The following ARFIP1 variants were observed in gnomAD, a reference collection of about 807,000 sequenced individuals.
The protein encoded by ARFIP1 is arfaptin-1.
In ARFIP1, 24 loss-of-function variants were observed where a neutral mutation model predicts 42.5. That is an observed-to-expected ratio of 0.57 (90% CI 0.41 to 0.80). The LOEUF (loss-of-function observed/expected upper bound fraction) is 0.80. ARFIP1 is among the 30% of genes least tolerant of loss of function. The pLI, the probability that ARFIP1 is intolerant of heterozygous loss-of-function variation, is 0.00. For missense variants in ARFIP1, 354 were observed against 434.0 expected (o/e 0.82, Z 1.64); for synonymous variants, 141 against 153.7 (o/e 0.92, Z 0.61).
chr4:152,823,307 A>G (rs1376734360), intron 1 of ARFIP1, among the ~76,000 whole-genome samples: 1 of 140,544 alleles, frequency 7.1e-6, no homozygotes, highest in Non-Finnish European at 1.6e-5. Context: ...GGGAATAGAT[A>G]CATTCCTGGA....
intron 1 of ARFIP1, among the ~76,000 whole-genome samples, chr4:152,805,551 C>T (rs1050725638): frequency 6.6e-6 from 1 of 152,188 alleles, no homozygotes; most frequent in African/African-American, 2.4e-5. Context: ...TTTTTGCCCC[C>T]TAGTGAGTTC....
In ARFIP1 at chr4:152,832,152, C is replaced by A. The variant is rs539028906; in HGVS notation, c.93+2426C>A. Among the ~76,000 whole-genome samples, 3 of 152,180 alleles carry A rather than the reference C, an allele frequency of 2.0e-5. No homozygotes were observed. In the South Asian group the frequency reaches 6.2e-4, roughly 32 times the overall value. On this transcript the variant is annotated intron_variant, in intron 2 of 8. Transcript: ENST00000353617. ...AGTACATACCCAAGAGTGAAATTGC[C>A]AGGTCACGAGTATATGAATGTTTGG...
At chr4:152,780,266 A>G (rs574672667) in intron 1 of ARFIP1, 40 bp downstream of exon 1, 1 of 152,486 alleles carries the variant, frequency 6.6e-6, no homozygotes, top group South Asian at 2.1e-4. Context: ...AGGCGGGGGA[A>G]AGATGGTTTG....
intron 8 of ARFIP1, among the ~76,000 whole-genome samples, chr4:152,904,199 T>TATATA (rs1554036703): frequency 7.5e-5 from 6 of 79,954 alleles, no homozygotes; most frequent in African/African-American, 3.3e-4. Context: ...TATATATATA[T>TATATA]TTTTTTTTTT....
intron 1 of ARFIP1, among the ~76,000 whole-genome samples, chr4:152,825,950 G>A (rs188656635): frequency 3.3e-5 from 5 of 152,054 alleles, no homozygotes; most frequent in South Asian, 2.1e-4. Context: ...TAAAACCACC[G>A]TGAGATACCA....
chr4:152,810,830 G>A (rs1013021067), intron 1 of ARFIP1, among the ~76,000 whole-genome samples: 3 of 151,958 alleles, frequency 2.0e-5, no homozygotes, highest in African/African-American at 7.3e-5. Flanking sequence ...AAAAGATGGT[G>A]TGCTATTCCA....
At chr4:152,867,514 A>C (rs1449923314) in intron 3 of ARFIP1, among the ~76,000 whole-genome samples, 4 of 151,986 alleles carry the variant, frequency 2.6e-5, no homozygotes, top group Admixed American at 6.6e-5. Context: ...GACCGTGGGG[A>C]GAGGGAGAGA....
chr4:152,830,550 T>C (rs1424290426), intron 2 of ARFIP1, among the ~76,000 whole-genome samples: 1 of 152,174 alleles, frequency 6.6e-6, no homozygotes, highest in African/African-American at 2.4e-5. Context: ...ACTTAAATTA[T>C]TATGTAGTTT....
At chr4:152,880,545 T>TAC (rs1282101022) in intron 5 of ARFIP1, among the ~76,000 whole-genome samples, 1 of 152,086 alleles carries the variant, frequency 6.6e-6, no homozygotes, top group Non-Finnish European at 1.5e-5. Flanking sequence ...CATATATATA[T>TAC]ACAAGTCATT....
At chr4:152,871,333 T>G (rs1734862425) in intron 4 of ARFIP1, among the ~76,000 whole-genome samples, 2 of 152,196 alleles carry the variant, frequency 1.3e-5, no homozygotes, top group South Asian at 4.1e-4. Context: ...AATTTACCAG[T>G]TATACCCAAT....
chr4:152,790,485 T>C (rs1198747352), intron 1 of ARFIP1, among the ~76,000 whole-genome samples: 1 of 152,228 alleles, frequency 6.6e-6, no homozygotes, highest in Non-Finnish European at 1.5e-5. Flanking sequence ...AATTTAGTTT[T>C]GAGAGTCTTA....
chr4:152,872,383 T>C, intron 4 of ARFIP1, 69 bp from the exon 5 acceptor site: 1 of 1,012,258 alleles, frequency 9.9e-7, no homozygotes, highest in Non-Finnish European at 1.5e-6. Context: ...TTGAACAATA[T>C]CAGGGTTTTG....
At chr4:152,855,993 A>G (rs956514924) in intron 2 of ARFIP1, among the ~76,000 whole-genome samples, 1 of 152,110 alleles carries the variant, frequency 6.6e-6, no homozygotes, top group Non-Finnish European at 1.5e-5. Context: ...GAGGTGTGAT[A>G]TCTACTCTTT....
intron 1 of ARFIP1, among the ~76,000 whole-genome samples, chr4:152,818,482 C>G (rs1040936099): frequency 6.6e-6 from 1 of 152,190 alleles, no homozygotes; most frequent in Non-Finnish European, 1.5e-5. Flanking sequence ...GGAAGCCATT[C>G]CCTATCACAG....
rs1578810928 is a variant in ARFIP1, at chr4:152,795,066, C to G, written c.-10+14840C>G. Among the ~76,000 whole-genome samples, 5 of 152,294 alleles carry G rather than the reference C, an allele frequency of 3.3e-5. No homozygotes were observed. In the South Asian group the frequency reaches 1.0e-3, roughly 32 times the overall value. ...TCACTCCATCCTTAGCCTTGCTACT[C>G]TGTTCCCAAGCCCTTTCACTCTTCT... On this transcript the variant is annotated intron_variant, in intron 1 of 8. Coordinates refer to ENST00000353617, the MANE Select transcript of ARFIP1 (RefSeq NM_001025595.3).
chr4:152,857,123 T>C (rs189486154), intron 2 of ARFIP1, among the ~76,000 whole-genome samples: 1 of 152,358 alleles, frequency 6.6e-6, no homozygotes, highest in Admixed American at 6.5e-5. Flanking sequence ...TTTGACTCTC[T>C]AAGTGTTCTT....
chr4:152,889,113 C>CT (rs1158117357), intron 8 of ARFIP1, among the ~76,000 whole-genome samples: 1 of 152,236 alleles, frequency 6.6e-6, no homozygotes, highest in African/African-American at 2.4e-5. Context: ...ACTGTACTCT[C>CT]TTCCAGGTAC....
At chr4:152,830,437 T>C (rs1442971051) in intron 2 of ARFIP1, among the ~76,000 whole-genome samples, 1 of 152,222 alleles carries the variant, frequency 6.6e-6, no homozygotes, top group Non-Finnish European at 1.5e-5. Context: ...TTATTATTTC[T>C]GGAGATACTT....
chr4:152,864,630 A>G (rs535477282), intron 3 of ARFIP1, among the ~76,000 whole-genome samples: 11 of 152,336 alleles, frequency 7.2e-5, no homozygotes, highest in South Asian at 6.2e-4. Context: ...AGGTTTCTCC[A>G]TCTGTTACAT....
Sources: allele counts gnomAD v4.1 joint callset (sites outside exome capture counted in the v4.1 genomes callset), GRCh38; gene constraint gnomAD v4.1.1; transcripts MANE v1.5; gene names NCBI Gene and HGNC (gene_info 2026-07-23, HGNC 2026-07-21).